ANO2: variants seen among roughly 807,000 people sequenced by gnomAD.
The protein encoded by ANO2 is anoctamin 2.
A neutral mutation model predicts 124.2 loss-of-function variants in ANO2; 101 were observed. The ratio of observed to expected loss-of-function variants is 0.81; its 90% CI spans 0.69 to 0.96. ANO2 has a LOEUF of 0.96. Among genes scored for constraint, ANO2 ranks in the 40% least tolerant of loss-of-function variants. ANO2 has a pLI of 0.00. For synonymous variants in ANO2, 486 were observed against 482.5 expected (o/e 1.01, Z -0.09); for missense variants, 1,293 against 1,274.5 (o/e 1.01, Z -0.22).
chr12:5,570,521 G>T (rs1296863676), intron 23 of ANO2, among the ~76,000 whole-genome samples: 1 of 151,964 alleles, frequency 6.6e-6, no homozygotes, highest in East Asian at 1.9e-4. Flanking sequence ...TTTTACAGAT[G>T]AAAAAACTGA....
chr12:5,815,072 C>T (rs946432053), intron 7 of ANO2, among the ~76,000 whole-genome samples: 2 of 152,190 alleles, frequency 1.3e-5, no homozygotes. Flanking sequence ...TCAGAGGCCT[C>T]TTATCTGGTT....
At chr12:5,647,924 C>T (rs926702217) in intron 14 of ANO2, 123 bp from the exon 15 acceptor site, 1 of 731,920 alleles carries the variant, frequency 1.4e-6, no homozygotes, top group Non-Finnish European at 2.3e-6. Context: ...TATTTCTAGT[C>T]ACTGATGCCT....
chr12:5,887,966 T>C (rs1160070908), intron 3 of ANO2, among the ~76,000 whole-genome samples: 1 of 152,186 alleles, frequency 6.6e-6, no homozygotes, highest in Non-Finnish European at 1.5e-5. Context: ...AGTTACATTG[T>C]TCCGGGACAG....
chr12:5,589,996 G>A (rs1169436522), intron 20 of ANO2, among the ~76,000 whole-genome samples: 3 of 152,020 alleles, frequency 2.0e-5, no homozygotes, highest in Non-Finnish European at 4.4e-5. Flanking sequence ...TGAGGCAGTG[G>A]CGAGACGGTG....
At chr12:5,814,271 T>C (rs1953530990) in intron 7 of ANO2, among the ~76,000 whole-genome samples, 1 of 152,250 alleles carries the variant, frequency 6.6e-6, no homozygotes, top group Non-Finnish European at 1.5e-5. Flanking sequence ...AATCCCTTTG[T>C]AAATGGTTTC....
intron 10 of ANO2, among the ~76,000 whole-genome samples, chr12:5,754,463 T>C (rs1449452260): frequency 1.3e-5 from 2 of 152,176 alleles, no homozygotes; most frequent in African/African-American, 2.4e-5. Flanking sequence ...CTTTTCCTGT[T>C]TTTTGGAAGA....
At position 5,862,145 on chromosome 12, in the gene ANO2, G is replaced by A. The variant is rs1232022656; in HGVS notation, c.535-8004C>T. The stretch of plus-strand genomic sequence containing the variant: ...AGGGAAGAAGTTCCTGCCTAGGGAA[G>A]GAAAGGTGGAAATCTGCTCTGCTGG... On this transcript the variant is annotated intron_variant, in intron 3 of 24. Transcript: ENST00000682330. The surrounding 1 kb of genome is among the most constrained non-coding windows in gnomAD (Gnocchi z 4.0). Among the ~76,000 whole-genome samples, 4 of 152,138 alleles carry A rather than the reference G, an allele frequency of 2.6e-5. No homozygotes were observed. Among genetic ancestry groups the A allele is most frequent in the African/African-American group, 7.2e-5 (3 of 41,428 alleles).
At chr12:5,929,343 C>T (rs368736973) in intron 1 of ANO2, among the ~76,000 whole-genome samples, 254 of 50,066 alleles carry the variant, frequency 5.1e-3, no homozygotes, top group East Asian at 0.017. Flanking sequence ...CTTCTTTCCT[C>T]ACTCGTCTGC....
chr12:5,916,309 T>A (rs1033544180), intron 3 of ANO2, among the ~76,000 whole-genome samples: 1 of 151,362 alleles, frequency 6.6e-6, no homozygotes, highest in African/African-American at 2.4e-5. Context: ...ATGGAATCAA[T>A]GTACATGCAG....
At chr12:5,682,520 C>T (rs1478656384) in intron 14 of ANO2, among the ~76,000 whole-genome samples, 4 of 152,154 alleles carry the variant, frequency 2.6e-5, no homozygotes, top group African/African-American at 2.4e-5. Context: ...GTCAAGGGTT[C>T]GGGCTGCAGG....
chr12:5,865,636 T>C (rs1955402810), intron 3 of ANO2, among the ~76,000 whole-genome samples: 1 of 151,936 alleles, frequency 6.6e-6, no homozygotes, highest in South Asian at 2.1e-4. Flanking sequence ...CACACCATCA[T>C]ACCATCACAC....
At chr12:5,660,770 G>A (rs1325416512) in intron 14 of ANO2, among the ~76,000 whole-genome samples, 3 of 152,138 alleles carry the variant, frequency 2.0e-5, no homozygotes, top group African/African-American at 7.2e-5. Context: ...TCAGAGAGTG[G>A]ATATCAGTTT....
chr12:5,765,655 A>G (rs1333678617), intron 10 of ANO2, among the ~76,000 whole-genome samples: 3 of 152,238 alleles, frequency 2.0e-5, no homozygotes. Context: ...AAATTGAATG[A>G]GCAAGGTATA....
intron 5 of ANO2, among the ~76,000 whole-genome samples, chr12:5,831,481 C>T (rs1308710508): frequency 1.3e-5 from 2 of 152,150 alleles, no homozygotes; most frequent in Non-Finnish European, 2.9e-5. Flanking sequence ...CAGCAAGCCA[C>T]CAGTCACCAT....
At chr12:5,660,197 TG>T (rs1947368563) in intron 14 of ANO2, among the ~76,000 whole-genome samples, 1 of 152,122 alleles carries the variant, frequency 6.6e-6, no homozygotes, top group Non-Finnish European at 1.5e-5. Flanking sequence ...ATAACCCCAC[TG>T]TAAGTCAAGG....
intron 14 of ANO2, among the ~76,000 whole-genome samples, chr12:5,688,600 G>A (rs901034880): frequency 3.9e-5 from 6 of 152,108 alleles, no homozygotes; most frequent in African/African-American, 1.4e-4. Context: ...AGACCCAAAA[G>A]GTGAAAATCT....
intron 11 of ANO2, among the ~76,000 whole-genome samples, chr12:5,748,571 A>G (rs1050475855): frequency 6.6e-6 from 1 of 152,224 alleles, no homozygotes; most frequent in African/African-American, 2.4e-5. Flanking sequence ...CTCATGTAGC[A>G]TAAGTTTCTC....
chr12:5,880,924 T>C (rs544595784), intron 3 of ANO2, among the ~76,000 whole-genome samples: 2 of 149,920 alleles, frequency 1.3e-5, no homozygotes, highest in Admixed American at 1.3e-4. Context: ...GATGGATGAG[T>C]GGATTGAGGG....
chr12:5,764,515 C>T (rs950981196), intron 10 of ANO2, among the ~76,000 whole-genome samples: 27 of 152,180 alleles, frequency 1.8e-4, no homozygotes, highest in Non-Finnish European at 2.5e-4. Flanking sequence ...TCAAATCCAA[C>T]AAGTCTAATG....
Sources: gnomAD v4.1 joint callset for allele counts (sites outside exome capture counted in the v4.1 genomes callset) on GRCh38, gnomAD v4.1.1 for gene constraint, Gnocchi (gnomAD v3.1) non-coding constraint, MANE v1.5 for transcripts, NCBI Gene and HGNC (gene_info 2026-07-23, HGNC 2026-07-21) for gene names.